Variants in TBC1D8 observed in about 807,000 individuals in gnomAD.
TBC1D8 encodes the protein TBC1 domain family member 8, also known as BUB2-like protein 1.
TBC1D8 carries 65 observed loss-of-function variants against 118.8 expected under a neutral mutation model. The ratio of observed to expected loss-of-function variants is 0.55; its 90% CI spans 0.45 to 0.67. The LOEUF is 0.67. Ranked by LOEUF, TBC1D8 falls within the 30% of genes least tolerant of loss-of-function variation. TBC1D8 has a pLI of 0.00. For synonymous variants in TBC1D8, 566 were observed against 595.8 expected (o/e 0.95, Z 0.73); for missense variants, 1,376 against 1,471.2 (o/e 0.94, Z 1.06).
At chr2:101,123,503 C>T (rs1022276504) in intron 1 of TBC1D8, among the ~76,000 whole-genome samples, 4 of 152,204 alleles carry the variant, frequency 2.6e-5, no homozygotes, top group Non-Finnish European at 4.4e-5. Flanking sequence ...TTCTCAAGCA[C>T]GCTCCAAACC....
At chr2:101,071,078 G>A (rs1683282683) in intron 2 of TBC1D8, among the ~76,000 whole-genome samples, 2 of 152,166 alleles carry the variant, frequency 1.3e-5, no homozygotes, top group Admixed American at 6.5e-5. Flanking sequence ...GATGGCTCAT[G>A]CCTGTAATCC....
chr2:101,079,531 C>T (rs55900776), intron 2 of TBC1D8, among the ~76,000 whole-genome samples: 51 of 151,980 alleles, frequency 3.4e-4, no homozygotes, highest in Non-Finnish European at 6.3e-4. Flanking sequence ...CGCTCCACCA[C>T]GCCCGGCTAA....
At chr2:101,062,780 C>T (rs1682823112) in intron 2 of TBC1D8, among the ~76,000 whole-genome samples, 1 of 152,042 alleles carries the variant, frequency 6.6e-6, no homozygotes, top group African/African-American at 2.4e-5. Flanking sequence ...TAGCTGGGAC[C>T]ACAGGCGCAC....
At chr2:101,017,947 C>A in intron 17 of TBC1D8, 1 of 1,549,812 alleles carries the variant, frequency 6.5e-7, no homozygotes, top group Non-Finnish European at 8.7e-7. Context: ...ATTTTCTTCT[C>A]TACTTGGTGA....
At chr2:101,016,841 A>C (rs971985432) in intron 17 of TBC1D8, among the ~76,000 whole-genome samples, 3 of 151,628 alleles carry the variant, frequency 2.0e-5, no homozygotes, top group African/African-American at 7.3e-5. Context: ...ACCAAACATC[A>C]CATGTTCTCA....
At chr2:101,010,227 T>C (rs551082743) in intron 19 of TBC1D8, among the ~76,000 whole-genome samples, 2 of 152,304 alleles carry the variant, frequency 1.3e-5, no homozygotes, top group Admixed American at 1.3e-4. Context: ...TTCTGGAAGA[T>C]GCTCAGAAGT....
chr2:101,008,167 TGCA>T lies in TBC1D8; in HGVS notation c.3119_3121del (p.Leu1040del). On this transcript the variant is annotated inframe_deletion, in exon 20 of 20. Transcript: ENST00000409318. ...GCCTCGCTGCCCCACCTCCCCGATC[TGCA>T]GCAGCAGTGTGGTGACTGTGGCGAT... 6.2e-7 allele frequency: 1 copy of T among 1,613,820 alleles called. No individual in the cohort carries two copies. The highest frequency in any genetic ancestry group is 8.5e-7 in the Non-Finnish European group (1 of 1,179,800).
In TBC1D8 at chr2:101,140,703, T is replaced by A. The variant is rs554861775; in HGVS notation, c.127+10424A>T. Reference sequence around the variant, plus strand: ...CCCAAAGGCAACCTCTTCCAACTCTTAATGGATTATTTTTGTATCCACCTT... The same window carrying A: ...CCCAAAGGCAACCTCTTCCAACTCTAAATGGATTATTTTTGTATCCACCTT... On this transcript the variant is annotated intron_variant, in intron 1 of 19. Transcript: ENST00000409318. 1.2e-4 allele frequency among the ~76,000 whole-genome samples: 18 copies of A among 152,090 alleles called. No individual in the cohort carries two copies. In the South Asian group the frequency reaches 1.9e-3, roughly 16 times the overall value.
chr2:101,083,447 A>G (rs1675393344), intron 2 of TBC1D8, among the ~76,000 whole-genome samples: 1 of 152,178 alleles, frequency 6.6e-6, no homozygotes, highest in African/African-American at 2.4e-5. Flanking sequence ...ACTCTCTCCT[A>G]GGATGTCTCC....
At chr2:101,030,869 C>T (rs924543999) in intron 11 of TBC1D8, among the ~76,000 whole-genome samples, 1 of 152,288 alleles carries the variant, frequency 6.6e-6, no homozygotes, top group Middle Eastern at 3.4e-3. Context: ...TGCTGTGTGA[C>T]GGAAGCCAGA....
intron 1 of TBC1D8, among the ~76,000 whole-genome samples, chr2:101,125,710 G>A (rs1678318807): frequency 6.6e-6 from 1 of 152,198 alleles, no homozygotes; most frequent in East Asian, 1.9e-4. Flanking sequence ...CCTTTATGGT[G>A]CAGCAATACA....
intron 1 of TBC1D8, among the ~76,000 whole-genome samples, chr2:101,094,587 G>A (rs1227778702): frequency 6.6e-6 from 1 of 152,186 alleles, no homozygotes; most frequent in Non-Finnish European, 1.5e-5. Context: ...GGGAGGGTGT[G>A]CAGCCACAAT....
In TBC1D8 at chr2:101,131,103, A is replaced by G. The variant is rs6728633; in HGVS notation, c.127+20024T>C. Among the ~76,000 whole-genome samples, 972 of 152,176 alleles carry G rather than the reference A, an allele frequency of 6.4e-3. 7 individuals carry two copies. The highest frequency in any genetic ancestry group is 0.022 in the African/African-American group (903 of 41,516). ...ATTTTTAGAAAGATGAGGTCTTGCT[A>G]TGTTGTCCAGGCTGGTCTTGAACTC... is the stretch of plus-strand genomic sequence containing the variant. On this transcript the variant is annotated intron_variant, in intron 1 of 19. Transcript: ENST00000409318.
intron 1 of TBC1D8, among the ~76,000 whole-genome samples, chr2:101,120,135 CA>C (rs1678030025): frequency 6.6e-6 from 1 of 152,146 alleles, no homozygotes; most frequent in African/African-American, 2.4e-5. Flanking sequence ...CTCCATCATC[CA>C]AAAGCCAGCT....
chr2:101,143,856 C>T (rs753628406), intron 1 of TBC1D8, among the ~76,000 whole-genome samples: 2 of 152,220 alleles, frequency 1.3e-5, no homozygotes, highest in Non-Finnish European at 1.5e-5. Flanking sequence ...CCCCCTTGCC[C>T]GGCATCAACA....
At chr2:101,028,504 T>C (rs970440256) in intron 12 of TBC1D8, 72 bp from the exon 13 acceptor site, 1 of 1,496,846 alleles carries the variant, frequency 6.7e-7, no homozygotes, top group Non-Finnish European at 8.9e-7. Flanking sequence ...GCCTTCACAG[T>C]GTCAGACATG....
intron 6 of TBC1D8, among the ~76,000 whole-genome samples, chr2:101,039,283 C>T (rs1347791214): frequency 6.6e-6 from 1 of 152,098 alleles, no homozygotes; most frequent in African/African-American, 2.4e-5. Flanking sequence ...ATTTCTTGCT[C>T]CACTAATAAG....
intron 1 of TBC1D8, among the ~76,000 whole-genome samples, chr2:101,149,052 G>A (rs972608517): frequency 1.1e-4 from 16 of 152,146 alleles, no homozygotes; most frequent in African/African-American, 3.9e-4. Context: ...CAAAGGTAAA[G>A]TGTCTGGCTG....
intron 17 of TBC1D8, among the ~76,000 whole-genome samples, chr2:101,014,293 T>C (rs997513366): frequency 4.6e-5 from 7 of 152,152 alleles, no homozygotes; most frequent in African/African-American, 1.7e-4. Context: ...AAGGCCAGAA[T>C]AGATCTTTCA....
Sources: gnomAD v4.1 joint callset for allele counts (sites outside exome capture counted in the v4.1 genomes callset) on GRCh38, gnomAD v4.1.1 for gene constraint, MANE v1.5 for transcripts, NCBI Gene and HGNC (gene_info 2026-07-23, HGNC 2026-07-21) for gene names.